CCSER1: variants seen among roughly 807,000 people sequenced by gnomAD.
CCSER1 encodes serine-rich coiled-coil domain-containing protein 1.
In CCSER1, 41 loss-of-function variants were observed where a neutral mutation model predicts 82.0. The ratio of observed to expected loss-of-function variants is 0.50; its 90% CI spans 0.39 to 0.65. CCSER1 has a LOEUF of 0.65. Among genes scored for constraint, CCSER1 ranks in the 30% least tolerant of loss-of-function variants. The pLI is 0.00. For missense variants in CCSER1, 1,119 were observed against 1,064.2 expected, an observed-to-expected ratio of 1.05 and a Z score of -0.72; for synonymous variants, 414 against 383.9, an observed-to-expected ratio of 1.08 and a Z score of -0.92.
At chr4:90,939,732 CAT>C (rs1414582363) in intron 9 of CCSER1, among the ~76,000 whole-genome samples, 11 of 152,044 alleles carry the variant, frequency 7.2e-5, no homozygotes, top group African/African-American at 2.4e-4. Flanking sequence ...CATTATGTAA[CAT>C]GTATTATGAA....
chr4:90,663,704 G>A (rs1485273268), intron 6 of CCSER1: 2 of 157,360 alleles, frequency 1.3e-5, no homozygotes, highest in African/African-American at 4.8e-5. Context: ...ATATTTTAGT[G>A]AAAAATAAGT....
intron 7 of CCSER1, among the ~76,000 whole-genome samples, chr4:90,804,508 A>G (rs1757251568): frequency 6.6e-6 from 1 of 152,142 alleles, no homozygotes; most frequent in Admixed American, 6.6e-5. Flanking sequence ...AGATTTGTCA[A>G]AGATCAGATG....
intron 10 of CCSER1, among the ~76,000 whole-genome samples, chr4:91,330,681 C>G (rs1746889861): frequency 1.3e-5 from 2 of 152,040 alleles, no homozygotes; most frequent in South Asian, 4.1e-4. Context: ...TCAAGGAGAC[C>G]AATTGCCCTG....
At chr4:90,243,613 C>T (rs1012745352) in intron 1 of CCSER1, among the ~76,000 whole-genome samples, 2 of 151,834 alleles carry the variant, frequency 1.3e-5, no homozygotes, top group Non-Finnish European at 2.9e-5. Context: ...GTCTTGAACT[C>T]CTGGCCTCAA....
At chr4:90,490,354 C>T (rs1342213006) in intron 5 of CCSER1, among the ~76,000 whole-genome samples, 2 of 152,106 alleles carry the variant, frequency 1.3e-5, no homozygotes, top group African/African-American at 4.8e-5. Context: ...CCTTCACCCA[C>T]TTTTTGATGG....
intron 7 of CCSER1, among the ~76,000 whole-genome samples, chr4:90,807,377 G>C (rs141472366): frequency 1.3e-5 from 2 of 152,116 alleles, no homozygotes; most frequent in African/African-American, 2.4e-5. Flanking sequence ...TTGGACTACT[G>C]TAAAAGAGGT....
chr4:90,356,530 T>C (rs182746501), intron 3 of CCSER1, among the ~76,000 whole-genome samples: 7 of 151,864 alleles, frequency 4.6e-5, no homozygotes, highest in African/African-American at 1.7e-4. Context: ...CATTGGAATA[T>C]CAGGTTAAAA....
At chr4:90,823,816 A>G (rs188990708) in intron 8 of CCSER1, among the ~76,000 whole-genome samples, 22 of 152,090 alleles carry the variant, frequency 1.4e-4, no homozygotes, top group Admixed American at 7.8e-4. Context: ...CAAGAGCGTG[A>G]TTTAGTAATT....
intron 1 of CCSER1, among the ~76,000 whole-genome samples, chr4:90,206,525 T>A (rs1738865524): frequency 6.6e-6 from 1 of 152,186 alleles, no homozygotes; most frequent in African/African-American, 2.4e-5. Flanking sequence ...ATTTTCTTAA[T>A]GCTGAGTTCT....
At chr4:91,306,993 C>T (rs1311230183) in intron 10 of CCSER1, among the ~76,000 whole-genome samples, 2 of 151,796 alleles carry the variant, frequency 1.3e-5, no homozygotes, top group African/African-American at 4.8e-5. Context: ...GAAGAGACTA[C>T]AATTATTCTT....
At chr4:90,351,900 C>T (rs1177008720) in intron 3 of CCSER1, among the ~76,000 whole-genome samples, 1 of 152,056 alleles carries the variant, frequency 6.6e-6, no homozygotes, top group Admixed American at 6.6e-5. Flanking sequence ...TGGATGACTT[C>T]CATTTATACT....
At chr4:91,296,483 A>ATATATATATATATTATTTATT (rs1175690764) in intron 10 of CCSER1, among the ~76,000 whole-genome samples, 4 of 124,064 alleles carry the variant, frequency 3.2e-5, no homozygotes, top group Non-Finnish European at 5.0e-5. Flanking sequence ...ATATATATAT[A>ATATATATATATATTATTTATT]TATTTTAATT....
At position 90,793,656 on chromosome 4, in the gene CCSER1, T is replaced by C. The variant is rs534451049; in HGVS notation, c.2011-22106T>C. On this transcript the variant is annotated intron_variant, in intron 7 of 10. Coordinates refer to ENST00000509176, the MANE Select transcript of CCSER1 (RefSeq NM_001145065.2). Reference sequence around the variant, plus strand: ...CATATGTGTGCATGTGTCTTTATAATAGATTTATATTTGTTTGAATATATA... The same window carrying C: ...CATATGTGTGCATGTGTCTTTATAACAGATTTATATTTGTTTGAATATATA... Among the ~76,000 whole-genome samples the C allele has an allele frequency of 9.1e-4, 139 of 152,232 alleles. 3 individuals are homozygous for C. The highest frequency in any genetic ancestry group is 3.1e-3 in the African/African-American group (127 of 41,554).
intron 10 of CCSER1, among the ~76,000 whole-genome samples, chr4:91,305,825 G>C (rs1330098491): frequency 6.6e-6 from 1 of 151,902 alleles, no homozygotes; most frequent in Admixed American, 6.6e-5. Context: ...GAGGAGCAAG[G>C]CGCCTCTTAC....
intron 10 of CCSER1, among the ~76,000 whole-genome samples, chr4:91,545,370 T>C (rs1761836244): frequency 6.6e-6 from 1 of 152,084 alleles, no homozygotes; most frequent in African/African-American, 2.4e-5. Flanking sequence ...GGTACCTCAG[T>C]TGGAAATGCA....
At chr4:90,884,406 A>C (rs1358055872) in intron 8 of CCSER1, among the ~76,000 whole-genome samples, 1 of 152,162 alleles carries the variant, frequency 6.6e-6, no homozygotes, top group Non-Finnish European at 1.5e-5. Flanking sequence ...ACACATGTTG[A>C]TATCAATATA....
chr4:90,987,259 T>C (rs1736651101), intron 9 of CCSER1, among the ~76,000 whole-genome samples: 1 of 151,196 alleles, frequency 6.6e-6, no homozygotes, highest in African/African-American at 2.4e-5. Flanking sequence ...TTCAGAACAG[T>C]GTCTTCCCTT....
chr4:90,477,915 G>A (rs1578678888), intron 5 of CCSER1, among the ~76,000 whole-genome samples: 1 of 152,004 alleles, frequency 6.6e-6, no homozygotes, highest in Admixed American at 6.5e-5. Flanking sequence ...TTTAACATTT[G>A]AATAATTAAT....
At chr4:90,413,332 C>T (rs999211478) in intron 4 of CCSER1, among the ~76,000 whole-genome samples, 1 of 152,126 alleles carries the variant, frequency 6.6e-6, no homozygotes, top group Non-Finnish European at 1.5e-5. Context: ...ATCCTATGCT[C>T]GTGGATGGGT....
Sources: allele counts gnomAD v4.1 joint callset (sites outside exome capture counted in the v4.1 genomes callset), GRCh38; gene constraint gnomAD v4.1.1; transcripts MANE v1.5; gene names NCBI Gene and HGNC (gene_info 2026-07-23, HGNC 2026-07-21).